VWF: variants seen among roughly 807,000 people sequenced by gnomAD.
VWF encodes the protein von Willebrand factor.
In VWF, 176 loss-of-function variants were observed where a neutral mutation model predicts 308.6. The ratio of observed to expected loss-of-function variants is 0.57; its 90% CI spans 0.50 to 0.65. The LOEUF is 0.65. VWF is among the 30% of genes least tolerant of loss of function. VWF has a pLI of 0.00. For missense variants in VWF, 3,146 were observed against 3,648.2 expected (o/e 0.86, Z 3.55); for synonymous variants, 1,385 against 1,443.4 (o/e 0.96, Z 0.92).
intron 40 of VWF, among the ~76,000 whole-genome samples, chr12:5,984,383 A>G (rs1247709555): frequency 6.6e-6 from 1 of 152,246 alleles, no homozygotes; most frequent in Non-Finnish European, 1.5e-5. Context: ...ATGAGTACAA[A>G]TAAGTTTCTC....
rs201195374 is a variant in VWF, at chr12:5,991,977, G to A, written c.6640C>T (p.His2214Tyr). ...CCATCACAGTGCCGGGGACAGCCAT[G>A]CTCACAGTGGTTGTAGACCAGAGAT... is the stretch of plus-strand genomic sequence containing the variant. ...PPSLVYNHCE[H>Y]GCPRHCDGNV... Residue 2214 changes from histidine (H) to tyrosine (Y), a missense_variant, in exon 38 of 52, where the codon CAT becomes TAT. By Grantham distance (83) the His-to-Tyr change is moderately conservative. This residue lies in a region of VWF where 989 missense variants were observed against 1,117.4 expected (regional missense o/e 0.89). Coordinates refer to ENST00000261405, the MANE Select transcript of VWF (RefSeq NM_000552.5). 6 of 1,614,228 alleles carry A rather than the reference G, an allele frequency of 3.7e-6. No individual in the cohort carries two copies. Among genetic ancestry groups the A allele is most frequent in the Non-Finnish European group, 5.1e-6 (6 of 1,180,038 alleles).
intron 47 of VWF, among the ~76,000 whole-genome samples, chr12:5,956,391 A>G (rs2136342799): frequency 6.6e-6 from 1 of 152,236 alleles, no homozygotes; most frequent in East Asian, 1.9e-4. Context: ...TCCCCTGAAG[A>G]CTTTCCAGTG....
At chr12:6,036,897 T>G (rs1406380714) in intron 18 of VWF, among the ~76,000 whole-genome samples, 1 of 152,122 alleles carries the variant, frequency 6.6e-6, no homozygotes, top group Admixed American at 6.5e-5. Flanking sequence ...CTGAGGGAAA[T>G]AGAATTATGG....
intron 5 of VWF, among the ~76,000 whole-genome samples, chr12:6,097,205 G>A (rs1229842943): frequency 6.6e-6 from 1 of 152,146 alleles, no homozygotes; most frequent in Non-Finnish European, 1.5e-5. Context: ...GGGAGGCCAA[G>A]GAGGGTGGAT....
At chr12:6,076,435 C>T (rs1253064834) in intron 6 of VWF, among the ~76,000 whole-genome samples, 2 of 152,090 alleles carry the variant, frequency 1.3e-5, no homozygotes, top group African/African-American at 2.4e-5. Flanking sequence ...TGTTTCTGAG[C>T]GATACACAGA....
intron 5 of VWF, among the ~76,000 whole-genome samples, chr12:6,107,031 A>G (rs547038419): frequency 2.0e-5 from 3 of 152,198 alleles, no homozygotes; most frequent in Admixed American, 6.6e-5. Flanking sequence ...GCATCCTTCA[A>G]CTGGTGAATG....
intron 3 of VWF, among the ~76,000 whole-genome samples, chr12:6,111,916 C>T (rs954533291): frequency 6.6e-6 from 1 of 150,590 alleles, no homozygotes; most frequent in Non-Finnish European, 1.5e-5. Context: ...GGAGATCGCG[C>T]CACTGCACTC....
intron 34 of VWF, among the ~76,000 whole-genome samples, chr12:6,009,070 C>CA (rs972183987): frequency 6.6e-6 from 1 of 151,952 alleles, no homozygotes; most frequent in African/African-American, 2.4e-5. Flanking sequence ...GCAACAAAAG[C>CA]AAAAATAGAC....
At chr12:6,086,485 G>C (rs941344493) in intron 6 of VWF, among the ~76,000 whole-genome samples, 3 of 151,996 alleles carry the variant, frequency 2.0e-5, no homozygotes, top group Non-Finnish European at 4.4e-5. Flanking sequence ...ACCTTCTCTG[G>C]GCCAGGCTCT....
At chr12:6,089,955 CTT>C (rs1451447705) in intron 6 of VWF, among the ~76,000 whole-genome samples, 1 of 147,546 alleles carries the variant, frequency 6.8e-6, no homozygotes, top group Admixed American at 6.7e-5. Context: ...AATCTGTCCT[CTT>C]TTTTCTTTTT....
chr12:5,964,234 A>ACATACATGCATGCATG (rs1555189784), intron 47 of VWF, among the ~76,000 whole-genome samples: 1 of 144,114 alleles, frequency 6.9e-6, no homozygotes, highest in African/African-American at 2.9e-5. Flanking sequence ...ATACATACAT[A>ACATACATGCATGCATG]CATACATACA....
intron 3 of VWF, among the ~76,000 whole-genome samples, chr12:6,113,674 T>C (rs1292730443): frequency 6.6e-6 from 1 of 152,252 alleles, no homozygotes; most frequent in Non-Finnish European, 1.5e-5. Flanking sequence ...TCTTGAAGTC[T>C]TTCAACTTTT....
At chr12:6,011,473 G>A (rs1943992424) in intron 34 of VWF, 144 bp downstream of exon 34, 1 of 666,714 alleles carries the variant, frequency 1.5e-6, no homozygotes. Context: ...AGGAAAGGAA[G>A]GTGAGTGAAG....
At chr12:5,999,469 C>T (rs1015460133) in intron 34 of VWF, among the ~76,000 whole-genome samples, 3 of 122,356 alleles carry the variant, frequency 2.5e-5, no homozygotes, top group African/African-American at 1.0e-4. Flanking sequence ...CATGTACACA[C>T]ATACACACAC....
At position 6,058,240 on chromosome 12, in the gene VWF, G is replaced by A. The variant is rs1332226888; in HGVS notation, c.1534-196C>T. Among the ~76,000 whole-genome samples, 1 of 152,204 alleles carries A rather than the reference G, an allele frequency of 6.6e-6. No homozygotes were observed. The highest frequency in any genetic ancestry group is 2.4e-5 in the African/African-American group (1 of 41,452). On this transcript the variant is annotated intron_variant, in intron 13 of 51. Coordinates refer to ENST00000261405, the MANE Select transcript of VWF (RefSeq NM_000552.5). The surrounding 1 kb of genome is among the most constrained non-coding windows in gnomAD (Gnocchi z 4.9). ...AGTGAACTGCAGTGTAAATTTACCA[G>A]CTCCATCCCTGTTCCCAAATCATCA...
At chr12:6,031,414 AC>A (rs1944260448) in intron 21 of VWF, 29 bp downstream of exon 21, 2 of 1,614,016 alleles carry the variant, frequency 1.2e-6, no homozygotes, top group Non-Finnish European at 1.7e-6. Context: ...ACAAAGCGGG[AC>A]ATGAGGGTGG....
At chr12:6,002,912 G>A (rs902821680) in intron 34 of VWF, among the ~76,000 whole-genome samples, 7 of 151,910 alleles carry the variant, frequency 4.6e-5, no homozygotes, top group African/African-American at 1.5e-4. Flanking sequence ...GGTGGGAGAC[G>A]GGGAAGATGG....
rs1471594381 is a variant in VWF at position 5,990,900 on chromosome 12, AAAAAAAAAT to A, written c.6798+910_6798+918del. ...AAAAAAAAAAAAAAAAAAAAAAAAA[AAAAAAAAAT>A]TTTGATGACTCAGTGACTCCCAAGC... On this transcript the variant is annotated intron_variant, in intron 38 of 51. Transcript: ENST00000261405. Among the ~76,000 whole-genome samples the A allele has an allele frequency of 2.8e-4, 12 of 42,146 alleles. 1 individual carries two copies. Among genetic ancestry groups the A allele is most frequent in the East Asian group, 1.8e-3 (1 of 544 alleles). The allele number at this position is 42,146 out of a possible 152,430, so 27.6% of individuals were successfully genotyped here. A position where few individuals can be genotyped will look rare whatever the true frequency, so the allele number is the denominator to read the frequency against.
intron 34 of VWF, among the ~76,000 whole-genome samples, chr12:6,006,413 G>A (rs1943927429): frequency 6.6e-6 from 1 of 152,164 alleles, no homozygotes; most frequent in Non-Finnish European, 1.5e-5. Context: ...CCTATCCATA[G>A]TTACTTTAAG....
Sources: gnomAD v4.1 joint callset for allele counts (sites outside exome capture counted in the v4.1 genomes callset) on GRCh38, gnomAD v4.1.1 for gene constraint, gnomAD v4.1.1 regional missense constraint, Gnocchi (gnomAD v3.1) non-coding constraint, MANE v1.5 for transcripts, NCBI Gene and HGNC (gene_info 2026-07-23, HGNC 2026-07-21) for gene names.